Variants in SORCS2 observed in about 807,000 individuals in gnomAD.
The protein encoded by SORCS2 is sortilin related VPS10 domain containing receptor 2.
SORCS2 carries 100 observed loss-of-function variants against 141.6 expected under a neutral mutation model. The observed-to-expected ratio is 0.71, with a 90% CI of 0.60 to 0.83. SORCS2 has a LOEUF of 0.83. SORCS2 is among the 40% of genes least tolerant of loss of function. The pLI is 0.00. For synonymous variants in SORCS2, 789 were observed against 676.9 expected (o/e 1.17, Z -2.57); for missense variants, 1,646 against 1,560.2 (o/e 1.05, Z -0.93).
chr4:7,331,815 C>A (rs992409141), intron 1 of SORCS2, among the ~76,000 whole-genome samples: 1 of 152,196 alleles, frequency 6.6e-6, no homozygotes, highest in Admixed American at 6.5e-5. Context: ...GAGCCCTGGA[C>A]CCCTGCTGGG....
intron 2 of SORCS2, among the ~76,000 whole-genome samples, chr4:7,413,548 T>A (rs757239848): frequency 3.9e-5 from 6 of 151,930 alleles, no homozygotes; most frequent in Non-Finnish European, 8.8e-5. Flanking sequence ...CCACCATGCC[T>A]GGCTAATTTT....
chr4:7,439,602 G>A (rs1306909503), intron 2 of SORCS2, among the ~76,000 whole-genome samples: 1 of 152,188 alleles, frequency 6.6e-6, no homozygotes, highest in Non-Finnish European at 1.5e-5. Context: ...TTCTCCCACA[G>A]ATTAATTTTG....
chr4:7,238,126 C>T (rs1460026803), intron 1 of SORCS2, among the ~76,000 whole-genome samples: 2 of 152,084 alleles, frequency 1.3e-5, no homozygotes, highest in Non-Finnish European at 2.9e-5. Context: ...ATGAAGAGGC[C>T]ACGTTTGCAG....
intron 3 of SORCS2, among the ~76,000 whole-genome samples, chr4:7,592,653 A>G (rs544478859): frequency 1.1e-4 from 17 of 152,334 alleles, no homozygotes; most frequent in African/African-American, 4.1e-4. Flanking sequence ...GGGTCCCCGA[A>G]TGACTGTGTG....
chr4:7,624,245 C>T (rs1450689889), intron 3 of SORCS2, among the ~76,000 whole-genome samples: 3 of 152,160 alleles, frequency 2.0e-5, no homozygotes. Context: ...GTAGCTTCCC[C>T]ACCCAACTCT....
intron 4 of SORCS2, among the ~76,000 whole-genome samples, chr4:7,641,672 A>G (rs760769588): frequency 1.3e-5 from 2 of 150,520 alleles, no homozygotes; most frequent in Non-Finnish European, 3.0e-5. Context: ...TGAAAATATT[A>G]GTTGGATGGA....
At chr4:7,645,193 A>G (rs1257344186) in intron 4 of SORCS2, among the ~76,000 whole-genome samples, 1 of 152,150 alleles carries the variant, frequency 6.6e-6, no homozygotes, top group Admixed American at 6.5e-5. Context: ...GATATGGTAA[A>G]CTGAGACATG....
intron 1 of SORCS2, among the ~76,000 whole-genome samples, chr4:7,347,003 T>TTA: frequency 6.6e-6 from 1 of 152,172 alleles, no homozygotes. Context: ...TCTGTAAATA[T>TTA]TTGCTGATTG....
intron 1 of SORCS2, among the ~76,000 whole-genome samples, chr4:7,301,275 C>T (rs1717412651): frequency 6.6e-6 from 1 of 152,228 alleles, no homozygotes; most frequent in African/African-American, 2.4e-5. Flanking sequence ...GTTGAAGACA[C>T]AGCAGCTATC....
At chr4:7,420,713 G>A (rs539955264) in intron 2 of SORCS2, among the ~76,000 whole-genome samples, 9 of 152,152 alleles carry the variant, frequency 5.9e-5, no homozygotes, top group Admixed American at 2.0e-4. Context: ...GGCAGTGGCA[G>A]TCACATACCT....
intron 2 of SORCS2, among the ~76,000 whole-genome samples, chr4:7,400,811 A>T (rs922490412): frequency 6.6e-6 from 1 of 152,092 alleles, no homozygotes; most frequent in African/African-American, 2.4e-5. Flanking sequence ...TGATAGATGG[A>T]TAGAAGAATG....
At chr4:7,494,913 G>A (rs1002388074) in intron 2 of SORCS2, among the ~76,000 whole-genome samples, 2 of 152,240 alleles carry the variant, frequency 1.3e-5, no homozygotes, top group Non-Finnish European at 2.9e-5. Context: ...GCAGGAAGGT[G>A]CTGGTGCCCA....
At chr4:7,733,189 T>A in intron 23 of SORCS2, 133 bp from the exon 24 acceptor site, 2 of 69,020 alleles carry the variant, frequency 2.9e-5, no homozygotes, top group East Asian at 4.6e-4. Flanking sequence ...CCCTTCACTC[T>A]CCTCCTGGTA....
At chr4:7,596,901 C>G (rs111425212) in intron 3 of SORCS2, among the ~76,000 whole-genome samples, 3,472 of 152,240 alleles carry the variant, frequency 0.023, 134 homozygotes, top group African/African-American at 0.08. Context: ...TCATGAAGGT[C>G]TCACAGGAAA....
chr4:7,339,973 C>A (rs779657012), intron 1 of SORCS2, among the ~76,000 whole-genome samples: 6 of 152,174 alleles, frequency 3.9e-5, no homozygotes, highest in South Asian at 2.1e-4. Context: ...AGACTAGGAC[C>A]TTGAGGCGAG....
At chr4:7,381,035 T>C (rs1274531086) in intron 1 of SORCS2, among the ~76,000 whole-genome samples, 2 of 147,300 alleles carry the variant, frequency 1.4e-5, no homozygotes, top group Non-Finnish European at 3.0e-5. Context: ...TGAGCTGAGA[T>C]TGCGCCACTG....
At chr4:7,314,829 T>TTTTTTTTTTTTTTTG (rs1560185676) in intron 1 of SORCS2, among the ~76,000 whole-genome samples, 1 of 116,516 alleles carries the variant, frequency 8.6e-6, no homozygotes, top group African/African-American at 3.5e-5. Flanking sequence ...TTTTTTTTTT[T>TTTTTTTTTTTTTTTG]ATTGTTGTTG....
At chr4:7,378,301 C>A (rs552583599) in intron 1 of SORCS2, among the ~76,000 whole-genome samples, 3 of 152,230 alleles carry the variant, frequency 2.0e-5, no homozygotes, top group South Asian at 2.1e-4. Context: ...ATTTAAGGCA[C>A]CTTTTTGGGG....
chr4:7,354,190 C>G (rs573509464), intron 1 of SORCS2, among the ~76,000 whole-genome samples: 2 of 152,154 alleles, frequency 1.3e-5, no homozygotes, highest in Admixed American at 6.5e-5. Flanking sequence ...CTTAGCCTGT[C>G]CTGGTCCAGC....
Sources: allele counts gnomAD v4.1 joint callset (sites outside exome capture counted in the v4.1 genomes callset), GRCh38; gene constraint gnomAD v4.1.1; transcripts MANE v1.5; gene names NCBI Gene and HGNC (gene_info 2026-07-23, HGNC 2026-07-21).